TESK2: variants seen among roughly 807,000 people sequenced by gnomAD.
TESK2 encodes testis associated actin remodelling kinase 2, also known as dual specificity testis-specific protein kinase 2.
Under a neutral mutation model 57.1 loss-of-function variants are expected in TESK2, and 39 were observed. The ratio of observed to expected loss-of-function variants is 0.68; its 90% confidence interval spans 0.53 to 0.89. The LOEUF is 0.89. TESK2 is among the 40% of genes least tolerant of loss of function. TESK2 has a pLI of 0.00. For missense variants in TESK2, 646 were observed against 732.1 expected, an observed-to-expected ratio of 0.88 and a Z score of 1.36; for synonymous variants, 249 against 267.9, an observed-to-expected ratio of 0.93 and a Z score of 0.69.
At chr1:45,489,744 C>A (rs946267774) in intron 1 of TESK2, among the ~76,000 whole-genome samples, 1 of 151,898 alleles carries the variant, frequency 6.6e-6, no homozygotes, top group Admixed American at 6.6e-5. Flanking sequence ...GAGCTGAGAT[C>A]GTGCCACTGC....
chr1:45,360,138 G>T (rs1397878945), intron 4 of TESK2, among the ~76,000 whole-genome samples: 1 of 152,134 alleles, frequency 6.6e-6, no homozygotes, highest in Admixed American at 6.5e-5. Context: ...AAGGCATAAT[G>T]ACGGCATAAG....
At chr1:45,448,083 C>T (rs1241876152) in intron 2 of TESK2, among the ~76,000 whole-genome samples, 4 of 134,698 alleles carry the variant, frequency 3.0e-5, no homozygotes, top group Non-Finnish European at 6.4e-5. Flanking sequence ...AAAAAAAATA[C>T]AAAAATTAGC....
At chr1:45,476,819 C>G (rs867557372) in intron 1 of TESK2, among the ~76,000 whole-genome samples, 1 of 151,662 alleles carries the variant, frequency 6.6e-6, no homozygotes, top group East Asian at 1.9e-4. Context: ...TGCACTCCAG[C>G]CTGGGAGATA....
chr1:45,447,329 G>A (rs1226926394), intron 2 of TESK2, among the ~76,000 whole-genome samples: 1 of 142,328 alleles, frequency 7.0e-6, no homozygotes, highest in Non-Finnish European at 1.5e-5. Context: ...TTCTTTATAA[G>A]CTTTTTCTAT....
At position 45,436,181 on chromosome 1, in the gene TESK2, C is replaced by CTTTTTTTTTTTTTTTTTTTTTT. The variant is rs1170732475; in HGVS notation, c.223-14336_223-14335insAAAAAAAAAAAAAAAAAAAAAA. Among the ~76,000 whole-genome samples, 28 of 56,622 alleles carry CTTTTTTTTTTTTTTTTTTTTTT rather than the reference C, an allele frequency of 4.9e-4. 8 individuals are homozygous for CTTTTTTTTTTTTTTTTTTTTTT. Among genetic ancestry groups the CTTTTTTTTTTTTTTTTTTTTTT allele is most frequent in the South Asian group, 1.9e-3 (2 of 1,064 alleles). The allele number at this position is 56,622 out of a possible 152,430, so 37.1% of individuals were successfully genotyped here. A position where few individuals can be genotyped will look rare whatever the true frequency, so the allele number is the denominator to read the frequency against. Reference sequence around the variant, plus strand: ...CTGTGAAAAATGACATTGGTATCTTCTTTTTTTTTTTTTTTTTTTTTGAGA... The same window carrying CTTTTTTTTTTTTTTTTTTTTTT: ...CTGTGAAAAATGACATTGGTATCTTCTTTTTTTTTTTTTTTTTTTTTTTTTTTTTTTTTTTTTTTTTTTGAGA... On this transcript the variant is annotated intron_variant, in intron 2 of 10. Transcript: ENST00000372086.
chr1:45,456,426 G>A (rs984046968), intron 2 of TESK2, among the ~76,000 whole-genome samples: 1 of 151,906 alleles, frequency 6.6e-6, no homozygotes, highest in Non-Finnish European at 1.5e-5. Flanking sequence ...GGCTGAGGCA[G>A]GAGAATTGCT....
intron 4 of TESK2, among the ~76,000 whole-genome samples, chr1:45,384,358 C>T (rs61254391): frequency 3.4e-3 from 469 of 139,944 alleles, no homozygotes; most frequent in East Asian, 0.011. Flanking sequence ...TATGTATGTA[C>T]GTACGTATCT....
rs1259106126 is a variant in TESK2 at position 45,441,292 on chromosome 1, T to A, written c.222+16272A>T. Reference sequence around the variant, plus strand: ...TTCAAGCAATTCTCCTGCCTCAGCATCCTGAGTAGCTGGGATTACAGGTGC... The same window carrying A: ...TTCAAGCAATTCTCCTGCCTCAGCAACCTGAGTAGCTGGGATTACAGGTGC... On this transcript the variant is annotated intron_variant, in intron 2 of 10. Transcript: ENST00000372086. Among the ~76,000 whole-genome samples the A allele has an allele frequency of 2.6e-5, 4 of 152,216 alleles. No homozygotes were observed. The East Asian group carries it at 7.7e-4, about 29-fold the overall frequency.
At chr1:45,403,062 T>C (rs895405808) in intron 3 of TESK2, among the ~76,000 whole-genome samples, 1 of 151,138 alleles carries the variant, frequency 6.6e-6, no homozygotes, top group African/African-American at 2.4e-5. Flanking sequence ...GGTGGGAGGA[T>C]TGCTTGAGCC....
At chr1:45,437,351 T>C (rs1651275634) in intron 2 of TESK2, among the ~76,000 whole-genome samples, 1 of 152,224 alleles carries the variant, frequency 6.6e-6, no homozygotes, top group South Asian at 2.1e-4. Context: ...TTCTAGATTT[T>C]TTTCAGCTAA....
intron 2 of TESK2, among the ~76,000 whole-genome samples, chr1:45,454,341 T>C (rs1379088808): frequency 1.3e-5 from 2 of 152,270 alleles, no homozygotes; most frequent in South Asian, 2.1e-4. Context: ...GGCACAACCA[T>C]GTGTACATAC....
chr1:45,454,293 T>C (rs1651986101), intron 2 of TESK2, among the ~76,000 whole-genome samples: 1 of 151,426 alleles, frequency 6.6e-6, no homozygotes, highest in African/African-American at 2.4e-5. Context: ...GGGTACAGAG[T>C]TTCAGTTTTG....
intron 1 of TESK2, 127 bp from the exon 2 acceptor site, chr1:45,457,998 TTA>T: frequency 1.9e-6 from 1 of 517,794 alleles, no homozygotes. Context: ...AAAAAATGTT[TTA>T]TGTCTTTACC....
At position 45,428,245 on chromosome 1, in the gene TESK2, GCA is replaced by G. The variant is rs148216835; in HGVS notation, c.223-6401_223-6400del. Among the ~76,000 whole-genome samples, 526 of 152,188 alleles carry G rather than the reference GCA, an allele frequency of 3.5e-3. 7 individuals are homozygous for G. The highest frequency in any genetic ancestry group is 0.031 in the East Asian group (161 of 5,172). On this transcript the variant is annotated intron_variant, in intron 2 of 10. Coordinates refer to ENST00000372086, the MANE Select transcript of TESK2 (RefSeq NM_007170.3). ...TCATTTTACAGCCATGGAAACTGAG[GCA>G]CAGAGAAATTAAATCTTTCTCAAGA...
At chr1:45,436,181 C>CTTTTTTATTTTT (rs1651208705) in intron 2 of TESK2, among the ~76,000 whole-genome samples, 1 of 56,604 alleles carries the variant, frequency 1.8e-5, no homozygotes, top group East Asian at 7.4e-4. Context: ...TTGGTATCTT[C>CTTTTTTATTTTT]TTTTTTTTTT....
chr1:45,346,639 G>A (rs1647147971), intron 9 of TESK2, 54 bp downstream of exon 9: 4 of 1,486,514 alleles, frequency 2.7e-6, no homozygotes, highest in South Asian at 1.2e-5. Context: ...TCCTAACCAG[G>A]TGAAAAGGGT....
At chr1:45,451,228 T>A (rs967993934) in intron 2 of TESK2, among the ~76,000 whole-genome samples, 2 of 152,108 alleles carry the variant, frequency 1.3e-5, no homozygotes, top group Admixed American at 1.3e-4. Context: ...ACTTGTGTTT[T>A]TAGAGGAAGA....
intron 3 of TESK2, among the ~76,000 whole-genome samples, chr1:45,400,557 T>C (rs1289151810): frequency 6.6e-6 from 1 of 152,246 alleles, no homozygotes; most frequent in Non-Finnish European, 1.5e-5. Flanking sequence ...AAACAAATTT[T>C]AGACTTTAAC....
At chr1:45,367,656 ATTT>A (rs549920468) in intron 4 of TESK2, among the ~76,000 whole-genome samples, 2 of 125,242 alleles carry the variant, frequency 1.6e-5, no homozygotes, top group African/African-American at 6.1e-5. Context: ...GTCACAAAGC[ATTT>A]TTTTTTTTTT....
Sources: allele counts gnomAD v4.1 joint callset (sites outside exome capture counted in the v4.1 genomes callset), GRCh38; gene constraint gnomAD v4.1.1; transcripts MANE v1.5; gene names NCBI Gene and HGNC (gene_info 2026-07-23, HGNC 2026-07-21).